The following TGFB3 variants were observed in gnomAD, a reference collection of about 807,000 sequenced individuals.
The protein encoded by TGFB3 is transforming growth factor beta-3 proprotein.
A neutral mutation model predicts 40.1 loss-of-function variants in TGFB3; 5 were observed. That is an observed-to-expected ratio of 0.12 (90% CI 0.07 to 0.26). The LOEUF is 0.26. Among genes scored for constraint, TGFB3 ranks in the 10% least tolerant of loss-of-function variants. The pLI, the probability that TGFB3 is intolerant of heterozygous loss-of-function variation, is 1.00. For synonymous variants in TGFB3, 184 were observed against 205.6 expected (o/e 0.89, Z 0.90); for missense variants, 373 against 530.1 (o/e 0.70, Z 2.91).
intron 1 of TGFB3, among the ~76,000 whole-genome samples, chr14:75,975,664 C>G (rs934790698): frequency 6.6e-6 from 1 of 152,160 alleles, no homozygotes; most frequent in African/African-American, 2.4e-5. Context: ...CCCAAGGTCA[C>G]ATAACTAGAA....
rs116966331 is a variant in TGFB3 at position 75,967,732 on chromosome 14, T to C, written c.647-2037A>G. Among the ~76,000 whole-genome samples, 9 of 152,334 alleles carry C rather than the reference T, an allele frequency of 5.9e-5. No homozygotes were observed. In the East Asian group the frequency reaches 1.7e-3, roughly 29 times the overall value. On this transcript the variant is annotated intron_variant, in intron 3 of 6. Transcript: ENST00000238682. ...AATAATCCCATAGAGCAAGAACTATTATCCCCCATTGTACAGATAAGAACA... is the reference window on the plus strand; with the variant it reads ...AATAATCCCATAGAGCAAGAACTATCATCCCCCATTGTACAGATAAGAACA...
rs369174011 is a variant in TGFB3, at chr14:75,975,885, T to C, written c.353-4167A>G. On this transcript the variant is annotated intron_variant, in intron 1 of 6. Coordinates refer to ENST00000238682, the MANE Select transcript of TGFB3 (RefSeq NM_003239.5). The stretch of plus-strand genomic sequence containing the variant: ...AAACGAGTTTGTGGTTCTTAAGCCA[T>C]GCCTCACAGAACACTAGTATTATTG... Among the ~76,000 whole-genome samples the C allele has an allele frequency of 3.9e-5, 6 of 152,212 alleles. No individual in the cohort carries two copies. The East Asian group carries it at 5.8e-4, about 15-fold the overall frequency.
At chr14:75,963,158 AGAAAATCTCTGTGAGAGATTTTC>A (rs2035177883) in intron 5 of TGFB3, 135 bp downstream of exon 5, 1 of 852,600 alleles carries the variant, frequency 1.2e-6, no homozygotes, top group African/African-American at 1.7e-5. Context: ...GATTTCACAG[AGAAAATCTCTGTGAGAGATTTTC>A]AGTCTTCTTC....
Position 75,981,206 on chromosome 14 carries a change from G to A in TGFB3, c.-313C>T. 2.3e-6 allele frequency: 1 copy of A among 431,994 alleles called. No homozygotes were observed. Among genetic ancestry groups the A allele is most frequent in the South Asian group, 2.2e-5 (1 of 44,936 alleles). 26.8% of individuals were successfully genotyped at this position (431,994 alleles called of 1,614,324 possible). On this transcript the variant is annotated 5_prime_UTR_variant, in exon 1 of 7. Coordinates refer to ENST00000238682, the MANE Select transcript of TGFB3 (RefSeq NM_003239.5). The surrounding 1 kb of genome is among the most constrained non-coding windows in gnomAD (Gnocchi z 4.7). ...GAGGGCAAGCAGAGGGCTGGGAGGG[G>A]TGGCAAGGCAGCTGGGAGTGGGAAG...
upstream of TGFB3, chr14:75,982,915 G>A (rs1266610649): frequency 6.6e-6 from 1 of 152,334 alleles, no homozygotes; most frequent in Non-Finnish European, 1.5e-5. The surrounding 1 kb of genome is among the most constrained non-coding windows in gnomAD (Gnocchi z 4.0). Context: ...TCAGCAGTTG[G>A]CCCGAGCCCA....
In TGFB3 at chr14:75,974,653, T is replaced by G. The variant is rs111422599; in HGVS notation, c.353-2935A>C. Among the ~76,000 whole-genome samples the G allele has an allele frequency of 3.6e-3, 550 of 151,810 alleles. 3 individuals carry two copies. The highest frequency in any genetic ancestry group is 6.1e-3 in the Non-Finnish European group (417 of 67,934). On this transcript the variant is annotated intron_variant, in intron 1 of 6. Transcript: ENST00000238682. ...GATGGTGCATGCTTGTAATCCTAGCTATTCAGGAGGCTGAGGCAGGAGAGT... is the reference window on the plus strand; with the variant it reads ...GATGGTGCATGCTTGTAATCCTAGCGATTCAGGAGGCTGAGGCAGGAGAGT...
At chr14:75,972,676 C>G (rs1328686191) in intron 1 of TGFB3, among the ~76,000 whole-genome samples, 1 of 151,974 alleles carries the variant, frequency 6.6e-6, no homozygotes, top group East Asian at 1.9e-4. Flanking sequence ...AAGAGGGGCC[C>G]GAAACAGCAG....
At chr14:75,973,293 C>T (rs2035315567) in intron 1 of TGFB3, among the ~76,000 whole-genome samples, 1 of 152,224 alleles carries the variant, frequency 6.6e-6, no homozygotes, top group African/African-American at 2.4e-5. Context: ...AGCAAATGCG[C>T]TACTGATCTT....
chr14:75,961,811 T>C lies in TGFB3; in HGVS notation c.927-735A>G, dbSNP rs139588183. Reference sequence around the variant, plus strand: ...TATTCAATAACCATTCCTAACTCCCTTCTCCCTTGTGACATCCCATTACAG... The same window carrying C: ...TATTCAATAACCATTCCTAACTCCCCTCTCCCTTGTGACATCCCATTACAG... On this transcript the variant is annotated intron_variant, in intron 5 of 6. Coordinates refer to ENST00000238682, the MANE Select transcript of TGFB3 (RefSeq NM_003239.5). 8.3e-3 allele frequency among the ~76,000 whole-genome samples: 1,267 copies of C among 152,270 alleles called. 8 individuals carry two copies. Among genetic ancestry groups the C allele is most frequent in the Non-Finnish European group, 0.011 (773 of 68,022 alleles).
Position 75,979,315 on chromosome 14 carries a change from C to T in TGFB3, c.352+1227G>A, listed in dbSNP as rs1308809643. Among the ~76,000 whole-genome samples the T allele has an allele frequency of 6.6e-6, 1 of 152,122 alleles. No individual in the cohort carries two copies. Among genetic ancestry groups the T allele is most frequent in the Non-Finnish European group, 1.5e-5 (1 of 68,014 alleles). ...CTCTCCAGCCAGGTTCCTTTCACCCCTTGCTGTGTGCTCTGCTGACCACCC... is the reference window on the plus strand; with the variant it reads ...CTCTCCAGCCAGGTTCCTTTCACCCTTTGCTGTGTGCTCTGCTGACCACCC... On this transcript the variant is annotated intron_variant, in intron 1 of 6. Transcript: ENST00000238682. This position sits in a 1 kb window ranked among gnomAD's most constrained non-coding sequence, Gnocchi z 4.8.
At chr14:75,963,511 A>C in intron 4 of TGFB3, 24 bp from the exon 5 acceptor site, 1 of 1,613,950 alleles carries the variant, frequency 6.2e-7, no homozygotes. Context: ...GGAAAGTGAC[A>C]ATCTCCTGTC....
chr14:75,964,763 G>T lies in TGFB3; in HGVS notation c.754+825C>A, dbSNP rs11466433. Among the ~76,000 whole-genome samples the T allele has an allele frequency of 7.1e-3, 1,076 of 152,240 alleles. 13 individuals are homozygous for T. Among genetic ancestry groups the T allele is most frequent in the African/African-American group, 0.025 (1,029 of 41,536 alleles). On this transcript the variant is annotated intron_variant, in intron 4 of 6. Transcript: ENST00000238682. ...TGGCCTGTAGGTAAGGACTCCAAAGGTCCTCTGGGCTCTAAGGTTCTGTGG... is the reference window on the plus strand; with the variant it reads ...TGGCCTGTAGGTAAGGACTCCAAAGTTCCTCTGGGCTCTAAGGTTCTGTGG...
chr14:75,976,957 C>T (rs1330210479), intron 1 of TGFB3, among the ~76,000 whole-genome samples: 1 of 152,186 alleles, frequency 6.6e-6, no homozygotes, highest in Admixed American at 6.5e-5. Context: ...CAAGACTCCA[C>T]CCCCTCAAGA....
At chr14:75,967,892 A>G (rs1211763192) in intron 3 of TGFB3, among the ~76,000 whole-genome samples, 1 of 152,132 alleles carries the variant, frequency 6.6e-6, no homozygotes, top group Non-Finnish European at 1.5e-5. Flanking sequence ...AGAGGGGGCA[A>G]CAGAGACCAC....
rs989044136 is a variant in TGFB3 at position 75,981,954 on chromosome 14, T to A, written c.-1061A>T. ...CCTCTCCCTCTCCCTCTCGCTCCTC[T>A]CCCTCTCTCTCTCACACACACACAC... On this transcript the variant is annotated 5_prime_UTR_variant, in exon 1 of 7. The change creates a premature stop within an existing upstream ORF in the 5' untranslated region. Coordinates refer to ENST00000238682, the MANE Select transcript of TGFB3 (RefSeq NM_003239.5). The surrounding 1 kb of genome is among the most constrained non-coding windows in gnomAD (Gnocchi z 4.7). Among the ~76,000 whole-genome samples, 1 of 151,176 alleles carries A rather than the reference T, an allele frequency of 6.6e-6. No individual in the cohort carries two copies. The highest frequency in any genetic ancestry group is 1.5e-5 in the Non-Finnish European group (1 of 67,800).
In TGFB3 at chr14:75,971,233, A is replaced by G; in HGVS notation, c.539T>C (p.Ile180Thr). 1 of 1,614,170 alleles carries G rather than the reference A, an allele frequency of 6.2e-7. No homozygotes were observed. Among genetic ancestry groups the G allele is most frequent in the South Asian group, 1.1e-5 (1 of 91,080 alleles). ...LFQILRPDEH[I>T]AKQRYIGGKN... ...GCCACCGATATAGCGCTGTTTGGCAATGTGCTCATCTGGCCGAAGGATCTA... is the reference window on the plus strand; with the variant it reads ...GCCACCGATATAGCGCTGTTTGGCAGTGTGCTCATCTGGCCGAAGGATCTA... The change falls in exon 3 of 7, where the codon ATT (isoleucine) becomes ACT (threonine). Residue 180 changes from isoleucine (I) to threonine (T), a missense_variant. Transcript: ENST00000238682. This position sits in a 1 kb window ranked among gnomAD's most constrained non-coding sequence, Gnocchi z 4.5.
intron 6 of TGFB3, among the ~76,000 whole-genome samples, chr14:75,959,737 C>T (rs1375655658): frequency 6.6e-6 from 1 of 151,204 alleles, no homozygotes. Flanking sequence ...TGCCACCGCA[C>T]TCCAGCCTGA....
At chr14:75,973,485 T>C (rs1314493226) in intron 1 of TGFB3, among the ~76,000 whole-genome samples, 1 of 152,228 alleles carries the variant, frequency 6.6e-6, no homozygotes, top group African/African-American at 2.4e-5. Context: ...CCATTTCAGA[T>C]AGAACCAAGG....
intron 1 of TGFB3, among the ~76,000 whole-genome samples, chr14:75,977,870 G>C (rs2035373821): frequency 6.6e-6 from 1 of 151,996 alleles, no homozygotes; most frequent in Admixed American, 6.6e-5. Flanking sequence ...ATATAAATGA[G>C]TGCTTAACTA....
Sources: gnomAD v4.1 joint callset for allele counts (sites outside exome capture counted in the v4.1 genomes callset) on GRCh38, gnomAD v4.1.1 for gene constraint, Gnocchi (gnomAD v3.1) non-coding constraint, MANE v1.5 for transcripts, NCBI Gene and HGNC (gene_info 2026-07-23, HGNC 2026-07-21) for gene names.